The following CTNNB1 variants were observed in gnomAD, a reference collection of about 807,000 sequenced individuals.
CTNNB1 encodes catenin beta-1.
Under a neutral mutation model 82.5 loss-of-function variants are expected in CTNNB1, and 6 were observed. The observed-to-expected ratio is 0.07, with a 90% confidence interval of 0.04 to 0.14. The LOEUF is 0.14. Among genes scored for constraint, CTNNB1 ranks in the 10% least tolerant of loss-of-function variants. The probability of loss-of-function intolerance (pLI) is 1.00; values close to 1 mark genes in which losing one functional copy is unlikely to be tolerated. For synonymous variants in CTNNB1, 312 were observed against 329.7 expected (o/e 0.95, Z 0.58); for missense variants, 529 against 980.4 (o/e 0.54, Z 6.15).
At chr3:41,220,656 A>G (rs2078025844) in intron 1 of CTNNB1, 1 of 152,216 alleles carries the variant, frequency 6.6e-6, no homozygotes, top group Non-Finnish European at 1.5e-5. Context: ...AGGTGTATCA[A>G]AAGTTTATCA....
At chr3:41,237,922 G>A (rs2078477956) in intron 13 of CTNNB1, 94 bp from the exon 14 acceptor site, 1 of 1,028,630 alleles carries the variant, frequency 9.7e-7, no homozygotes. Context: ...TGTTCCTTTT[G>A]TAATCTGAAA....
In CTNNB1 at chr3:41,239,791, CTT is replaced by C. The variant is rs1336961341; in HGVS notation, c.*453_*454del. ...TTCCTATGGGAACAATTGAAGTAAA[CTT>C]TTTGTTCTGGTCCTTTTTGGTCGAG... is the stretch of plus-strand genomic sequence containing the variant. On this transcript the variant is annotated 3_prime_UTR_variant, in exon 15 of 15. Coordinates refer to ENST00000349496, the MANE Select transcript of CTNNB1 (RefSeq NM_001904.4). 3 of 290,072 alleles carry C rather than the reference CTT, an allele frequency of 1.0e-5. No individual in the cohort carries two copies. The highest frequency in any genetic ancestry group is 5.2e-5 in the East Asian group (1 of 19,212). The allele number at this position is 290,072 out of a possible 1,614,324, so 18.0% of individuals were successfully genotyped here.
chr3:41,207,847 C>G (rs1236183850), intron 1 of CTNNB1, among the ~76,000 whole-genome samples: 1 of 152,226 alleles, frequency 6.6e-6, no homozygotes, highest in Non-Finnish European at 1.5e-5. Flanking sequence ...GCAGCTCTCT[C>G]AAGTGGTGAA....
intron 7 of CTNNB1, among the ~76,000 whole-genome samples, chr3:41,228,490 A>G (rs1400184233): frequency 1.3e-5 from 2 of 152,088 alleles, no homozygotes; most frequent in African/African-American, 4.8e-5. Flanking sequence ...GCTTTTCTTC[A>G]TATGTTTCTT....
intron 7 of CTNNB1, among the ~76,000 whole-genome samples, chr3:41,230,304 C>T (rs1347324662): frequency 6.6e-6 from 1 of 152,126 alleles, no homozygotes; most frequent in Non-Finnish European, 1.5e-5. Context: ...TTTATTTAAT[C>T]AGAATCCCTG....
intron 1 of CTNNB1, among the ~76,000 whole-genome samples, chr3:41,208,994 G>A (rs898205805): frequency 6.6e-6 from 1 of 152,134 alleles, no homozygotes; most frequent in Non-Finnish European, 1.5e-5. Flanking sequence ...ACCCCTGCCA[G>A]TGACCACCAC....
chr3:41,208,996 GACC>G lies in CTNNB1; in HGVS notation c.-49+9332_-49+9334del, dbSNP rs1322514308. Among the ~76,000 whole-genome samples the G allele has an allele frequency of 2.6e-5, 4 of 152,114 alleles. No individual in the cohort carries two copies. The South Asian group carries it at 6.2e-4, about 24-fold the overall frequency. ...CGTTTTCTTTTGAACCCCTGCCAGT[GACC>G]ACCACGTTATAAATTTGTAGTTGTC... is the stretch of plus-strand genomic sequence containing the variant. On this transcript the variant is annotated intron_variant, in intron 1 of 14. Transcript: ENST00000349496.
intron 1 of CTNNB1, among the ~76,000 whole-genome samples, chr3:41,211,771 C>T (rs1408345945): frequency 6.6e-6 from 1 of 152,076 alleles, no homozygotes; most frequent in African/African-American, 2.4e-5. Context: ...TCCAGTCTAC[C>T]GTTCATGGGC....
chr3:41,236,211 CAT>C, intron 11 of CTNNB1, 136 bp from the exon 12 acceptor site: 1 of 1,063,376 alleles, frequency 9.4e-7, no homozygotes, highest in South Asian at 1.3e-5. Flanking sequence ...CACCCCAAGA[CAT>C]AAAATTCAGA....
At chr3:41,233,163 G>A (rs1368305752) in intron 7 of CTNNB1, 178 bp from the exon 8 acceptor site, 7 of 664,852 alleles carry the variant, frequency 1.1e-5, no homozygotes, top group Non-Finnish European at 1.6e-5. Flanking sequence ...GAGGTGAACT[G>A]GCAAAGTGAA....
Position 41,215,321 on chromosome 3 carries a change from T to G in CTNNB1, c.-48-8700T>G, listed in dbSNP as rs539317663. Among the ~76,000 whole-genome samples the G allele has an allele frequency of 3.0e-5, 4 of 134,518 alleles. No homozygotes were observed. In the South Asian group the frequency reaches 7.2e-4, roughly 24 times the overall value. 88.2% of individuals were successfully genotyped at this position (134,518 alleles called of 152,430 possible). A position where few individuals can be genotyped will look rare whatever the true frequency, so the allele number is the denominator to read the frequency against. The stretch of plus-strand genomic sequence containing the variant: ...TTGCTTAAACCCAGGAGGCGGAGGA[T>G]GCAGTGAGCCAAGATCGCGCCACTG... On this transcript the variant is annotated intron_variant, in intron 1 of 14. Coordinates refer to ENST00000349496, the MANE Select transcript of CTNNB1 (RefSeq NM_001904.4).
intron 10 of CTNNB1, 177 bp downstream of exon 10, chr3:41,234,474 G>GTGT: frequency 1.5e-6 from 1 of 686,574 alleles, no homozygotes; most frequent in South Asian, 1.7e-5. Context: ...ATAAGGCATA[G>GTGT]TGTGGCCCCA....
In CTNNB1 at chr3:41,240,175, A is replaced by G; in HGVS notation, c.*833A>G. The G allele has an allele frequency of 4.9e-6, 1 of 203,820 alleles. No individual in the cohort carries two copies. The highest frequency in any genetic ancestry group is 1.0e-5 in the Non-Finnish European group (1 of 99,008). The allele number at this position is 203,820 out of a possible 1,614,324, so 12.6% of individuals were successfully genotyped here. A position where few individuals can be genotyped will look rare whatever the true frequency, so the allele number is the denominator to read the frequency against. On this transcript the variant is annotated 3_prime_UTR_variant, in exon 15 of 15. Transcript: ENST00000349496. Reference sequence around the variant, plus strand: ...TGTAACAATTGTGTAGCCTTTTTGTATAAAATAGACAAATAGAAAATGGTC... The same window carrying G: ...TGTAACAATTGTGTAGCCTTTTTGTGTAAAATAGACAAATAGAAAATGGTC...
chr3:41,238,138 G>C (rs34864544), intron 14 of CTNNB1, 62 bp downstream of exon 14: 5 of 1,471,126 alleles, frequency 3.4e-6, no homozygotes, highest in Admixed American at 3.3e-5. Context: ...ACTTTTATCA[G>C]AAGAGCCGGT....
At chr3:41,215,802 A>G (rs1410876868) in intron 1 of CTNNB1, among the ~76,000 whole-genome samples, 1 of 152,202 alleles carries the variant, frequency 6.6e-6, no homozygotes, top group African/African-American at 2.4e-5. Context: ...TTTTTGAAAT[A>G]AAATCTTCAA....
rs1394741834 is a variant in CTNNB1, at chr3:41,204,347, G to A, written c.-49+4677G>A. On this transcript the variant is annotated intron_variant, in intron 1 of 14. Coordinates refer to ENST00000349496, the MANE Select transcript of CTNNB1 (RefSeq NM_001904.4). Reference sequence around the variant, plus strand: ...AACTTACTGAAAAAAATTGCTACCGGGGACTTAATTTGTCTCTTGAAATGG... The same window carrying A: ...AACTTACTGAAAAAAATTGCTACCGAGGACTTAATTTGTCTCTTGAAATGG... 3.3e-5 allele frequency among the ~76,000 whole-genome samples: 5 copies of A among 152,220 alleles called. No individual in the cohort carries two copies. In the South Asian group the frequency reaches 8.3e-4, roughly 25 times the overall value.
intron 14 of CTNNB1, among the ~76,000 whole-genome samples, chr3:41,238,685 G>A (rs1000147234): frequency 1.3e-5 from 2 of 152,176 alleles, no homozygotes; most frequent in South Asian, 4.1e-4. Context: ...CCTTTCCTTA[G>A]TACTTTTGTG....
chr3:41,238,367 C>T, intron 14 of CTNNB1: 1 of 378,518 alleles, frequency 2.6e-6, no homozygotes, highest in South Asian at 3.3e-5. Context: ...CTCTTTTTGG[C>T]CAGAGGACTC....
intron 1 of CTNNB1, among the ~76,000 whole-genome samples, chr3:41,222,729 G>GT (rs2078078624): frequency 6.6e-6 from 1 of 152,214 alleles, no homozygotes; most frequent in Admixed American, 6.5e-5. Context: ...GAAGCCGGAT[G>GT]TATCAAAGCA....
Sources: allele counts gnomAD v4.1 joint callset (sites outside exome capture counted in the v4.1 genomes callset), GRCh38; gene constraint gnomAD v4.1.1; transcripts MANE v1.5; gene names NCBI Gene and HGNC (gene_info 2026-07-23, HGNC 2026-07-21).